The following CFAP46 variants were observed in gnomAD, a reference collection of about 807,000 sequenced individuals.
The protein encoded by CFAP46 is cilia and flagella associated protein 46.
A neutral mutation model predicts 325.7 loss-of-function variants in CFAP46; 245 were observed. The ratio of observed to expected loss-of-function variants is 0.75; its 90% CI spans 0.68 to 0.84. The LOEUF (loss-of-function observed/expected upper bound fraction) is 0.84, where lower values mean the gene tolerates loss of function less well. Ranked by LOEUF, CFAP46 falls within the 40% of genes least tolerant of loss-of-function variation. The pLI is 0.00. For synonymous variants in CFAP46, 1,523 were observed against 1,495.9 expected, an observed-to-expected ratio of 1.02 and a Z score of -0.42; for missense variants, 3,346 against 3,543.0, an observed-to-expected ratio of 0.94 and a Z score of 1.41.
intron 49 of CFAP46, among the ~76,000 whole-genome samples, 168 bp downstream of exon 49, chr10:132,833,873 C>T (rs915156119): frequency 5.9e-5 from 9 of 152,180 alleles, no homozygotes; most frequent in Non-Finnish European, 8.8e-5. Flanking sequence ...GAGAACCTTC[C>T]GGGGACCTCA....
chr10:132,844,853 AT>A (rs537834623), intron 44 of CFAP46, among the ~76,000 whole-genome samples: 129 of 152,158 alleles, frequency 8.5e-4, no homozygotes, highest in African/African-American at 2.9e-3. Flanking sequence ...GGGCAGCCCA[AT>A]TTTTTTGAGA....
chr10:132,810,222 C>T lies in CFAP46; in HGVS notation c.7664+187G>A, dbSNP rs185845619. Among the ~76,000 whole-genome samples the T allele has an allele frequency of 1.7e-3, 255 of 152,300 alleles. 2 individuals are homozygous for T. The highest frequency in any genetic ancestry group is 1.7e-3 in the Non-Finnish European group (118 of 68,004). On this transcript the variant is annotated intron_variant, in intron 57 of 57. Transcript: ENST00000368586. ...GTGGGGGGCTGGGGTGGTACAGAGA[C>T]GCAGGCAACTTCCAGGCAAGAACAA...
At position 132,884,474 on chromosome 10, in the gene CFAP46, G is replaced by C. The variant is rs1443056303; in HGVS notation, c.3627+629C>G. On this transcript the variant is annotated intron_variant, in intron 27 of 57. Transcript: ENST00000368586. The surrounding 1 kb of genome is among the most constrained non-coding windows in gnomAD (Gnocchi z 5.4). ...GCCTTTTAAGATCTTCACTAATGTTGAAAGGTTCATGCCTTTCACACCAGG... is the reference window on the plus strand; with the variant it reads ...GCCTTTTAAGATCTTCACTAATGTTCAAAGGTTCATGCCTTTCACACCAGG... Among the ~76,000 whole-genome samples, 1 of 152,192 alleles carries C rather than the reference G, an allele frequency of 6.6e-6. No homozygotes were observed. The highest frequency in any genetic ancestry group is 1.5e-5 in the Non-Finnish European group (1 of 68,032).
In CFAP46 at chr10:132,936,975, A is replaced by T; in HGVS notation, c.741T>A (p.Ile247=). The change falls in exon 7 of 58, where the codon ATT becomes ATA. Residue 247 remains isoleucine, a synonymous_variant. Transcript: ENST00000368586. ...AAACGACTTACGCCTTTAGCATATTAATATAGAAAGTGACTGACAGGCTAA... is the reference window on the plus strand; with the variant it reads ...AAACGACTTACGCCTTTAGCATATTTATATAGAAAGTGACTGACAGGCTAA... ...NSISLSVTFY[I]NMLKAKAEQN... The T allele has an allele frequency of 6.5e-7, 1 of 1,541,306 alleles. No individual in the cohort carries two copies. The highest frequency in any genetic ancestry group is 8.8e-7 in the Non-Finnish European group (1 of 1,134,322).
chr10:132,916,236 G>C (rs1396817414), intron 17 of CFAP46, among the ~76,000 whole-genome samples: 1 of 152,218 alleles, frequency 6.6e-6, no homozygotes, highest in African/African-American at 2.4e-5. Flanking sequence ...CATCATCAGA[G>C]GGCCTGACGA....
chr10:132,888,184 C>G lies in CFAP46; in HGVS notation c.3305-2225G>C, dbSNP rs150106890. On this transcript the variant is annotated intron_variant, in intron 25 of 57. Transcript: ENST00000368586. Reference sequence around the variant, plus strand: ...TCTGCTGCATCGAGCGCCCGAGAACCATAGTGGGCACCAATGCGGGCTCCA... The same window carrying G: ...TCTGCTGCATCGAGCGCCCGAGAACGATAGTGGGCACCAATGCGGGCTCCA... 9.8e-3 allele frequency among the ~76,000 whole-genome samples: 1,493 copies of G among 151,962 alleles called. 15 individuals are homozygous for G. Among genetic ancestry groups the G allele is most frequent in the South Asian group, 0.043 (207 of 4,818 alleles).
chr10:132,813,127 C>T (rs538186622), intron 54 of CFAP46, among the ~76,000 whole-genome samples: 10 of 152,266 alleles, frequency 6.6e-5, no homozygotes, highest in East Asian at 1.9e-4. Context: ...TGGACTTCTA[C>T]GCTGGAATGA....
rs372791406 is a variant in CFAP46, at chr10:132,830,632, T to C, written c.7117+2726A>G. ...TTCATTATTTACTTTTTATCCTCTC[T>C]TGACTCTGTAGTGATGCTGCCTCTA... On this transcript the variant is annotated intron_variant, in intron 50 of 57. Coordinates refer to ENST00000368586, the MANE Select transcript of CFAP46 (RefSeq NM_001200049.3). Among the ~76,000 whole-genome samples the C allele has an allele frequency of 3.3e-5, 5 of 152,366 alleles. 1 individual carries two copies. The highest frequency in any genetic ancestry group is 1.2e-4 in the African/African-American group (5 of 41,592).
intron 44 of CFAP46, among the ~76,000 whole-genome samples, chr10:132,843,723 T>G (rs1848384947): frequency 7.1e-6 from 1 of 140,538 alleles, no homozygotes; most frequent in Non-Finnish European, 1.5e-5. Flanking sequence ...GCTGTGGAGC[T>G]GCTCCTGGTG....
At chr10:132,937,198 T>A (rs189278557) in intron 6 of CFAP46, 143 bp from the exon 7 acceptor site, 155 of 518,662 alleles carry the variant, frequency 3.0e-4, no homozygotes, top group African/African-American at 2.3e-3. Context: ...TATGTCAAAA[T>A]GGACTGCTGA....
At chr10:132,816,576 G>A (rs532336601) in intron 50 of CFAP46, among the ~76,000 whole-genome samples, 30 of 152,158 alleles carry the variant, frequency 2.0e-4, no homozygotes, top group African/African-American at 6.0e-4. Context: ...TGGGTGATCC[G>A]CCCACCTTGG....
intron 50 of CFAP46, among the ~76,000 whole-genome samples, chr10:132,826,201 G>A (rs1591038268): frequency 9.8e-6 from 1 of 102,536 alleles, no homozygotes; most frequent in Non-Finnish European, 2.1e-5. Flanking sequence ...CCAGGCAGGA[G>A]CCGGAGCCAC....
In CFAP46 at chr10:132,876,116, C is replaced by T. The variant is rs552898657; in HGVS notation, c.4362+696G>A. 1.8e-4 allele frequency among the ~76,000 whole-genome samples: 27 copies of T among 152,396 alleles called. No individual in the cohort carries two copies. The highest frequency in any genetic ancestry group is 6.3e-4 in the African/African-American group (26 of 41,598). ...TAGGAAGCACTGAAGGCCAACCTCA[C>T]TGTGGCCAGGGGTGTCCCATTAAAC... On this transcript the variant is annotated intron_variant, in intron 31 of 57. Transcript: ENST00000368586. This position sits in a 1 kb window ranked among gnomAD's most constrained non-coding sequence, Gnocchi z 4.1.
At chr10:132,843,240 C>A (rs1464620017) in intron 44 of CFAP46, among the ~76,000 whole-genome samples, 1 of 152,226 alleles carries the variant, frequency 6.6e-6, no homozygotes, top group Non-Finnish European at 1.5e-5. Context: ...AAGACCACAG[C>A]AGATTTCACT....
At chr10:132,942,343 T>A in intron 1 of CFAP46, 93 bp downstream of exon 1, 1 of 953,052 alleles carries the variant, frequency 1.0e-6, no homozygotes, top group Non-Finnish European at 1.4e-6. Context: ...TTGGGCGGGC[T>A]GGGATGAGAG....
chr10:132,892,511 C>A, intron 24 of CFAP46, 94 bp from the exon 25 acceptor site: 1 of 1,192,354 alleles, frequency 8.4e-7, no homozygotes, highest in Non-Finnish European at 1.2e-6. Context: ...GCTCTGTGTT[C>A]CTCTCCTTAA....
chr10:132,846,565 C>T (rs528142320), intron 43 of CFAP46, among the ~76,000 whole-genome samples: 2 of 151,158 alleles, frequency 1.3e-5, no homozygotes, highest in South Asian at 2.1e-4. Context: ...CGTGTCTGCC[C>T]GATCCTCTGT....
In CFAP46 at chr10:132,846,116, C is replaced by G. The variant is rs570203326; in HGVS notation, c.6379G>C (p.Asp2127His). ...GCGCCCAGGCTGGTGGTGGTCCTGT[C>G]TTGGCACCGGAGCTGGTGCTGTAGC... ...LQLQHQLRCQ[D>H]RTTTSLGARV... Residue 2127 changes from aspartate (D) to histidine (H), a missense_variant, in exon 44 of 58, where the codon GAC becomes CAC. By Grantham distance (81) the Asp-to-His change is moderately conservative (BLOSUM62 -1). Transcript: ENST00000368586. The G allele has an allele frequency of 6.2e-7, 1 of 1,609,260 alleles. No homozygotes were observed. Among genetic ancestry groups the G allele is most frequent in the African/African-American group, 1.3e-5 (1 of 74,962 alleles).
chr10:132,908,459 GT>G lies in CFAP46; in HGVS notation c.2924+8del, dbSNP rs1445640172. The G allele has an allele frequency of 6.5e-6, 10 of 1,550,334 alleles. No individual in the cohort carries two copies. In the African/African-American group the frequency reaches 6.8e-5, roughly 11 times the overall value. ...TGAGGGAATTTGTCCAGTCATGAGG[GT>G]TACTTACGGCCCAAATTTCTTCAGG... is the stretch of plus-strand genomic sequence containing the variant. On this transcript the variant is annotated splice_region_variant and intron_variant, in intron 22 of 57. Transcript: ENST00000368586.
Sources: allele counts gnomAD v4.1 joint callset (sites outside exome capture counted in the v4.1 genomes callset), GRCh38; gene constraint gnomAD v4.1.1; non-coding constraint Gnocchi (gnomAD v3.1); transcripts MANE v1.5; gene names NCBI Gene and HGNC (gene_info 2026-07-23, HGNC 2026-07-21).